Variants in TRPM3 observed in about 807,000 individuals in gnomAD.
TRPM3 encodes long transient receptor potential channel 3.
A neutral mutation model predicts 181.2 loss-of-function variants in TRPM3; 77 were observed. The observed-to-expected ratio is 0.42, with a 90% CI of 0.35 to 0.51. The LOEUF is 0.51. Among genes scored for constraint, TRPM3 ranks in the 20% least tolerant of loss-of-function variants. The probability of loss-of-function intolerance (pLI) is 0.01; values close to 1 mark genes in which losing one functional copy is unlikely to be tolerated. For synonymous variants in TRPM3, 745 were observed against 796.4 expected (o/e 0.94, Z 1.09); for missense variants, 1,759 against 2,196.7 (o/e 0.80, Z 3.98).
intron 22 of TRPM3, among the ~76,000 whole-genome samples, chr9:70,577,270 G>A (rs2054285926): frequency 1.3e-5 from 2 of 152,222 alleles, no homozygotes; most frequent in African/African-American, 4.8e-5. Context: ...CTGCAGTGAG[G>A]TATAGGGGAA....
chr9:71,416,512 G>A lies in TRPM3; in HGVS notation c.183+30141C>T, dbSNP rs972788706. ...AAGTAGAAAATATAGCTGGTTTCCT[G>A]GATAATGTTTCCATCTTGTATCATT... On this transcript the variant is annotated intron_variant, in intron 1 of 24. Coordinates refer to the TRPM3 transcript ENST00000357533. 3.3e-5 allele frequency among the ~76,000 whole-genome samples: 5 copies of A among 151,810 alleles called. No homozygotes were observed. The East Asian group carries it at 9.7e-4, about 30-fold the overall frequency.
chr9:71,144,153 G>A (rs114327519), intron 1 of TRPM3, among the ~76,000 whole-genome samples: 498 of 152,140 alleles, frequency 3.3e-3, no homozygotes, highest in African/African-American at 0.011. Context: ...CCAAAACTAT[G>A]GATAAGAAAA....
chr9:71,142,670 C>G (rs2075180072), intron 1 of TRPM3, among the ~76,000 whole-genome samples: 1 of 152,054 alleles, frequency 6.6e-6, no homozygotes, highest in African/African-American at 2.4e-5. Context: ...GTGACATACT[C>G]AGATTTACTT....
rs149745097 is a variant in TRPM3, at chr9:71,401,289, G to T, written c.183+45364C>A. Among the ~76,000 whole-genome samples the T allele has an allele frequency of 5.1e-4, 77 of 152,014 alleles. 1 individual carries two copies. In the East Asian group the frequency reaches 0.014, roughly 27 times the overall value. ...TCTTTTAACTGAAACAAACACACGT[G>T]GGGTGGAAGGAAGATGAGGGAAGGT... is the stretch of plus-strand genomic sequence containing the variant. On this transcript the variant is annotated intron_variant, in intron 1 of 24. Coordinates refer to the TRPM3 transcript ENST00000357533.
chr9:71,030,079 A>G (rs1353430766), intron 1 of TRPM3, among the ~76,000 whole-genome samples: 2 of 152,234 alleles, frequency 1.3e-5, no homozygotes, highest in Non-Finnish European at 2.9e-5. Context: ...AAGTATACAC[A>G]GACAAATATT....
chr9:70,923,428 G>A (rs1326060818), intron 1 of TRPM3, among the ~76,000 whole-genome samples: 1 of 151,826 alleles, frequency 6.6e-6, no homozygotes, highest in Non-Finnish European at 1.5e-5. Context: ...CTCTCCCATG[G>A]GGGTTCTTAA....
At chr9:71,308,975 T>C (rs1016050462) in intron 1 of TRPM3, among the ~76,000 whole-genome samples, 3 of 152,140 alleles carry the variant, frequency 2.0e-5, no homozygotes, top group Admixed American at 1.3e-4. Flanking sequence ...GAGTTTTCCA[T>C]TGGGTAGAAT....
intron 1 of TRPM3, among the ~76,000 whole-genome samples, chr9:70,877,248 A>C (rs1418691339): frequency 6.6e-6 from 1 of 151,952 alleles, no homozygotes; most frequent in Non-Finnish European, 1.5e-5. Context: ...TCACTTCTCC[A>C]AACTGTCTAT....
intron 1 of TRPM3, among the ~76,000 whole-genome samples, chr9:70,981,435 G>T (rs2134023441): frequency 6.6e-6 from 1 of 152,272 alleles, no homozygotes; most frequent in Non-Finnish European, 1.5e-5. Flanking sequence ...ATCTTGAAAA[G>T]GTGGGAGTGT....
In TRPM3 at chr9:70,986,690, C is replaced by T. The variant is rs1590320470; in HGVS notation, c.178-122179G>A. On this transcript the variant is annotated intron_variant, in intron 1 of 25. Coordinates refer to ENST00000677713, the MANE Select transcript of TRPM3 (RefSeq NM_001366145.2). ...TTTTTCCCCTACCATATTAATCTACCTCTTTAGCATTTGTGATTTCCCCAA... is the reference window on the plus strand; with the variant it reads ...TTTTTCCCCTACCATATTAATCTACTTCTTTAGCATTTGTGATTTCCCCAA... 2.0e-5 allele frequency among the ~76,000 whole-genome samples: 3 copies of T among 152,134 alleles called. No homozygotes were observed. In the South Asian group the frequency reaches 6.2e-4, roughly 32 times the overall value.
At chr9:70,773,890 C>T (rs1052633242) in intron 7 of TRPM3, among the ~76,000 whole-genome samples, 2 of 152,172 alleles carry the variant, frequency 1.3e-5, no homozygotes, top group Non-Finnish European at 2.9e-5. Flanking sequence ...CGATGCACTA[C>T]GTGATGATTG....
At chr9:71,157,989 T>G (rs941690883) in intron 1 of TRPM3, among the ~76,000 whole-genome samples, 3 of 152,094 alleles carry the variant, frequency 2.0e-5, no homozygotes, top group African/African-American at 7.2e-5. Context: ...TTAAATGAGG[T>G]TAATATAACT....
chr9:70,627,407 G>C (rs1028170482), intron 12 of TRPM3, among the ~76,000 whole-genome samples: 2 of 151,528 alleles, frequency 1.3e-5, no homozygotes, highest in African/African-American at 4.9e-5. Context: ...CGAGTAGCTT[G>C]GACTACAGGT....
chr9:71,382,813 A>G (rs942161446), intron 1 of TRPM3, among the ~76,000 whole-genome samples: 1 of 151,752 alleles, frequency 6.6e-6, no homozygotes, highest in Non-Finnish European at 1.5e-5. Flanking sequence ...CATTTCCTTC[A>G]CTCCTACTTA....
Position 71,226,618 on chromosome 9 carries a change from CA to C in TRPM3, c.183+220034del, listed in dbSNP as rs544607271. On this transcript the variant is annotated intron_variant, in intron 1 of 24. Coordinates refer to the TRPM3 transcript ENST00000357533. ...TATAATAATAAAGGAGTCAGTTCAG[CA>C]GAGGATATGATTGTGTGTGTGTGTG... 2.7e-3 allele frequency among the ~76,000 whole-genome samples: 403 copies of C among 151,910 alleles called. 2 individuals are homozygous for C. Among genetic ancestry groups the C allele is most frequent in the African/African-American group, 9.2e-3 (383 of 41,436 alleles).
At chr9:70,585,887 A>G (rs1402649185) in intron 22 of TRPM3, among the ~76,000 whole-genome samples, 2 of 152,150 alleles carry the variant, frequency 1.3e-5, no homozygotes, top group African/African-American at 4.8e-5. Context: ...TAAGTCCTCC[A>G]GGATCTGTAC....
chr9:70,828,701 ATT>A (rs1313239960), intron 5 of TRPM3, among the ~76,000 whole-genome samples: 3 of 116,306 alleles, frequency 2.6e-5, no homozygotes, highest in African/African-American at 2.8e-5. Context: ...GGCCTTCCAG[ATT>A]TTTTTTTTTT....
intron 11 of TRPM3, among the ~76,000 whole-genome samples, chr9:70,635,671 A>G (rs948199783): frequency 6.6e-6 from 1 of 151,640 alleles, no homozygotes; most frequent in African/African-American, 2.4e-5. Flanking sequence ...TATGTTGCCC[A>G]GGCTGGTCTT....
intron 8 of TRPM3, among the ~76,000 whole-genome samples, chr9:70,740,946 A>C (rs2073949665): frequency 6.6e-6 from 1 of 152,244 alleles, no homozygotes; most frequent in African/African-American, 2.4e-5. Context: ...ATGCAACAAA[A>C]ACAAAGATGA....
Sources: gnomAD v4.1 joint callset for allele counts (sites outside exome capture counted in the v4.1 genomes callset) on GRCh38, gnomAD v4.1.1 for gene constraint, MANE v1.5 for transcripts, NCBI Gene and HGNC (gene_info 2026-07-23, HGNC 2026-07-21) for gene names.